DIAPH3: variants seen among roughly 807,000 people sequenced by gnomAD.
The protein encoded by DIAPH3 is diaphanous related formin 3.
Under a neutral mutation model 144.3 loss-of-function variants are expected in DIAPH3, and 117 were observed. That is an observed-to-expected ratio of 0.81 (90% CI 0.70 to 0.95). DIAPH3 has a LOEUF of 0.95. Ranked by LOEUF, DIAPH3 falls within the 40% of genes least tolerant of loss-of-function variation. The pLI is 0.00. For synonymous variants in DIAPH3, 519 were observed against 488.9 expected, an observed-to-expected ratio of 1.06 and a Z score of -0.81; for missense variants, 1,421 against 1,412.7, an observed-to-expected ratio of 1.01 and a Z score of -0.09.
chr13:59,807,698 A>G (rs1246049801), intron 25 of DIAPH3, among the ~76,000 whole-genome samples: 1 of 152,060 alleles, frequency 6.6e-6, no homozygotes, highest in Non-Finnish European at 1.5e-5. Context: ...AGGCCCACCG[A>G]TGTTAATTTG....
intron 22 of DIAPH3, among the ~76,000 whole-genome samples, chr13:59,857,569 A>C (rs1452234977): frequency 1.3e-5 from 2 of 152,214 alleles, no homozygotes; most frequent in African/African-American, 4.8e-5. Flanking sequence ...ATCCACTCTG[A>C]TAATACACTG....
chr13:60,131,754 G>C (rs916835407), intron 2 of DIAPH3, among the ~76,000 whole-genome samples: 7 of 152,164 alleles, frequency 4.6e-5, no homozygotes, highest in African/African-American at 1.4e-4. Flanking sequence ...GATCAAAGCT[G>C]TTACAAATAT....
At chr13:60,031,732 C>CTTT (rs1165739891) in intron 5 of DIAPH3, among the ~76,000 whole-genome samples, 15,207 of 64,656 alleles carry the variant, frequency 0.24, 5,245 homozygotes, top group African/African-American at 0.31. Flanking sequence ...GTCATTAAAT[C>CTTT]TTTTTTTTTT....
chr13:59,933,428 A>T (rs1267174977), intron 17 of DIAPH3, among the ~76,000 whole-genome samples: 1 of 152,230 alleles, frequency 6.6e-6, no homozygotes, highest in Non-Finnish European at 1.5e-5. Context: ...ACAATTTAGC[A>T]TTCAAGAGTA....
chr13:59,965,198 T>A (rs564408356), intron 17 of DIAPH3, among the ~76,000 whole-genome samples: 3 of 152,150 alleles, frequency 2.0e-5, no homozygotes, highest in Non-Finnish European at 4.4e-5. Context: ...AAGTGGATAA[T>A]CCATTAACTG....
At chr13:59,709,081 G>A (rs1239434489) in intron 27 of DIAPH3, among the ~76,000 whole-genome samples, 1 of 151,964 alleles carries the variant, frequency 6.6e-6, no homozygotes, top group African/African-American at 2.4e-5. Flanking sequence ...ATGCCCATTT[G>A]GAACAAAATC....
At chr13:59,869,112 G>C (rs547855396) in intron 21 of DIAPH3, among the ~76,000 whole-genome samples, 1 of 152,136 alleles carries the variant, frequency 6.6e-6, no homozygotes, top group African/African-American at 2.4e-5. Flanking sequence ...TTTGTTCTAC[G>C]TGTAGCTTTG....
intron 4 of DIAPH3, among the ~76,000 whole-genome samples, chr13:60,061,844 G>A (rs1212445012): frequency 1.3e-5 from 2 of 151,790 alleles, no homozygotes; most frequent in East Asian, 1.9e-4. Flanking sequence ...ATTCTCTTTC[G>A]TAAGAGCCTT....
At chr13:60,065,255 A>T (rs1176453683) in intron 4 of DIAPH3, among the ~76,000 whole-genome samples, 19 of 26,306 alleles carry the variant, frequency 7.2e-4, no homozygotes, top group South Asian at 6.0e-3. Context: ...TAATTTATTA[A>T]AAAAAAAAAA....
chr13:59,756,862 C>A (rs1418835902), intron 27 of DIAPH3, among the ~76,000 whole-genome samples: 1 of 151,994 alleles, frequency 6.6e-6, no homozygotes, highest in African/African-American at 2.4e-5. Context: ...ACAAATAAAA[C>A]CTACTCAATG....
chr13:60,100,762 A>C (rs2058246296), intron 3 of DIAPH3, among the ~76,000 whole-genome samples: 1 of 151,984 alleles, frequency 6.6e-6, no homozygotes, highest in Non-Finnish European at 1.5e-5. Flanking sequence ...AAAAAGAAAA[A>C]CAGAACATCA....
chr13:59,959,135 C>T (rs1380464317), intron 17 of DIAPH3, among the ~76,000 whole-genome samples: 1 of 152,116 alleles, frequency 6.6e-6, no homozygotes, highest in African/African-American at 2.4e-5. Context: ...CTCAGCCTCA[C>T]AAAGTGCGGA....
chr13:59,866,067 A>C (rs527534081), intron 21 of DIAPH3, among the ~76,000 whole-genome samples: 4 of 152,046 alleles, frequency 2.6e-5, no homozygotes, highest in African/African-American at 9.6e-5. Context: ...ACAAGACAAA[A>C]TTCTGAAAAA....
chr13:59,869,671 A>G (rs1287530240), intron 21 of DIAPH3, among the ~76,000 whole-genome samples: 2 of 152,184 alleles, frequency 1.3e-5, no homozygotes, highest in African/African-American at 4.8e-5. Context: ...AATAGCAAGG[A>G]GGTCAAAGCA....
At chr13:59,902,801 C>T (rs1191318640) in intron 20 of DIAPH3, among the ~76,000 whole-genome samples, 1 of 151,996 alleles carries the variant, frequency 6.6e-6, no homozygotes, top group Non-Finnish European at 1.5e-5. Flanking sequence ...AATAAAGTGA[C>T]AAGAAAAACA....
chr13:59,870,195 G>A (rs530645448), intron 21 of DIAPH3, among the ~76,000 whole-genome samples: 4 of 149,690 alleles, frequency 2.7e-5, no homozygotes, highest in South Asian at 2.1e-4. Flanking sequence ...AGATGTTCTC[G>A]TACCTTTTCT....
chr13:60,160,586 A>C (rs1278523523), intron 1 of DIAPH3, among the ~76,000 whole-genome samples: 1 of 152,166 alleles, frequency 6.6e-6, no homozygotes, highest in African/African-American at 2.4e-5. Flanking sequence ...AGGATATAGG[A>C]CTCAGGTCCA....
chr13:60,150,721 C>A (rs1310021054), intron 1 of DIAPH3, among the ~76,000 whole-genome samples: 3 of 152,136 alleles, frequency 2.0e-5, no homozygotes, highest in South Asian at 2.1e-4. Flanking sequence ...ATGCAGGAAC[C>A]CAGTTCAGCC....
At chr13:59,927,877 G>C (rs1386216521) in intron 17 of DIAPH3, among the ~76,000 whole-genome samples, 2 of 152,060 alleles carry the variant, frequency 1.3e-5, no homozygotes, top group Non-Finnish European at 1.5e-5. Context: ...TTTTTGAGTT[G>C]AATCTATTTG....
Sources: gnomAD v4.1 joint callset for allele counts (sites outside exome capture counted in the v4.1 genomes callset) on GRCh38, gnomAD v4.1.1 for gene constraint, MANE v1.5 for transcripts, NCBI Gene and HGNC (gene_info 2026-07-23, HGNC 2026-07-21) for gene names.